SPATA16: variants seen among roughly 807,000 people sequenced by gnomAD.
SPATA16 encodes spermatogenesis associated 16.
A neutral mutation model predicts 63.3 loss-of-function variants in SPATA16; 36 were observed. The observed-to-expected ratio is 0.57, with a 90% confidence interval of 0.44 to 0.75. The LOEUF (loss-of-function observed/expected upper bound fraction) is 0.75, where lower values mean the gene tolerates loss of function less well. SPATA16 is among the 30% of genes least tolerant of loss of function. The pLI is 0.00. For missense variants in SPATA16, 646 were observed against 679.3 expected (o/e 0.95, Z 0.54); for synonymous variants, 203 against 216.7 (o/e 0.94, Z 0.56).
intron 2 of SPATA16, among the ~76,000 whole-genome samples, chr3:173,095,564 A>G (rs1028720055): frequency 2.0e-5 from 3 of 152,170 alleles, no homozygotes; most frequent in Non-Finnish European, 4.4e-5. Flanking sequence ...TGGAAGAAAT[A>G]TATCCCTTCT....
chr3:173,028,336 T>C (rs1372259193), intron 3 of SPATA16, among the ~76,000 whole-genome samples: 2 of 151,814 alleles, frequency 1.3e-5, no homozygotes, highest in Non-Finnish European at 2.9e-5. Flanking sequence ...TGCTGGATAA[T>C]AGCATCATTT....
At chr3:173,043,808 A>C (rs958812019) in intron 3 of SPATA16, among the ~76,000 whole-genome samples, 1 of 152,052 alleles carries the variant, frequency 6.6e-6, no homozygotes, top group African/African-American at 2.4e-5. Context: ...CTCAAAGTGC[A>C]GATCTGGTAA....
At chr3:172,979,287 C>A (rs369915756) in intron 4 of SPATA16, among the ~76,000 whole-genome samples, 1 of 152,038 alleles carries the variant, frequency 6.6e-6, no homozygotes, top group Non-Finnish European at 1.5e-5. Context: ...ATATTCCAGC[C>A]ACAGTGCCCC....
At chr3:173,083,942 A>G (rs936268110) in intron 2 of SPATA16, among the ~76,000 whole-genome samples, 2 of 152,110 alleles carry the variant, frequency 1.3e-5, no homozygotes, top group African/African-American at 4.8e-5. Context: ...TAGCGCTGCA[A>G]TGAAGTATTC....
intron 6 of SPATA16, among the ~76,000 whole-genome samples, chr3:172,929,279 A>G (rs981046163): frequency 6.6e-6 from 1 of 152,232 alleles, no homozygotes; most frequent in Admixed American, 6.5e-5. Flanking sequence ...AATTTTTACC[A>G]TTAGCAAAGT....
Position 173,136,257 on chromosome 3 carries a change from AG to A in SPATA16, c.-19+4845del, listed in dbSNP as rs749532943. Among the ~76,000 whole-genome samples the A allele has an allele frequency of 7.9e-5, 12 of 152,348 alleles. 1 individual carries two copies. Among genetic ancestry groups the A allele is most frequent in the Admixed American group, 2.6e-4 (4 of 15,308 alleles). On this transcript the variant is annotated intron_variant, in intron 1 of 10. Transcript: ENST00000351008. Reference sequence around the variant, plus strand: ...TACATTTCTGAGGGTTCCAAACACCAGGGCAAACAGCACTGAACATGTAGCA... The same window carrying A: ...TACATTTCTGAGGGTTCCAAACACCAGGCAAACAGCACTGAACATGTAGCA...
At chr3:172,930,775 A>T (rs929057739) in intron 6 of SPATA16, among the ~76,000 whole-genome samples, 1 of 151,652 alleles carries the variant, frequency 6.6e-6, no homozygotes, top group African/African-American at 2.4e-5. Context: ...GATGGTCTCC[A>T]TCTCCTGACC....
At chr3:173,101,253 C>A (rs1002640891) in intron 2 of SPATA16, among the ~76,000 whole-genome samples, 4 of 152,100 alleles carry the variant, frequency 2.6e-5, no homozygotes, top group Non-Finnish European at 5.9e-5. Flanking sequence ...ATGTTTCACC[C>A]CCTCTTTGAA....
chr3:173,053,488 A>G (rs942317492), intron 2 of SPATA16, among the ~76,000 whole-genome samples: 3 of 152,218 alleles, frequency 2.0e-5, no homozygotes, highest in African/African-American at 4.8e-5. Context: ...TATCTAACTT[A>G]CTTTTAGAAA....
intron 5 of SPATA16, among the ~76,000 whole-genome samples, chr3:172,961,992 C>A (rs1301304591): frequency 6.6e-6 from 1 of 152,054 alleles, no homozygotes; most frequent in African/African-American, 2.4e-5. Context: ...GATCCTCACG[C>A]CTGTAATCCC....
At chr3:173,056,796 T>C (rs1736240868) in intron 2 of SPATA16, among the ~76,000 whole-genome samples, 1 of 151,594 alleles carries the variant, frequency 6.6e-6, no homozygotes, top group Admixed American at 6.6e-5. Flanking sequence ...AGATCGCCAT[T>C]TACATTATGG....
intron 10 of SPATA16, among the ~76,000 whole-genome samples, chr3:172,894,863 C>T (rs1397385242): frequency 4.6e-5 from 7 of 152,176 alleles, no homozygotes; most frequent in African/African-American, 1.7e-4. Flanking sequence ...CTTCAGTGGA[C>T]ACTGAGTCTG....
intron 5 of SPATA16, among the ~76,000 whole-genome samples, chr3:172,959,571 T>C (rs954391273): frequency 6.6e-6 from 1 of 152,158 alleles, no homozygotes; most frequent in African/African-American, 2.4e-5. Flanking sequence ...AATTGTATTC[T>C]CCATGGAGAT....
chr3:173,039,279 A>G (rs973867382), intron 3 of SPATA16, among the ~76,000 whole-genome samples: 1 of 152,170 alleles, frequency 6.6e-6, no homozygotes, highest in African/African-American at 2.4e-5. Flanking sequence ...AAAGTAAAAA[A>G]CAAATATAAA....
intron 4 of SPATA16, among the ~76,000 whole-genome samples, chr3:172,987,698 T>G (rs1387167922): frequency 2.6e-5 from 4 of 152,188 alleles, no homozygotes; most frequent in Non-Finnish European, 5.9e-5. Context: ...TAACTTCGCT[T>G]TCAGTTCTTC....
chr3:173,080,451 T>TA (rs11401557), intron 2 of SPATA16, among the ~76,000 whole-genome samples: 30,944 of 151,976 alleles, frequency 0.2, 3,813 homozygotes, highest in African/African-American at 0.35. Flanking sequence ...GAAGACATCT[T>TA]GTGCCTTTCA....
chr3:173,122,415 T>C (rs1287136224), intron 1 of SPATA16, among the ~76,000 whole-genome samples: 5 of 152,082 alleles, frequency 3.3e-5, no homozygotes, highest in East Asian at 1.9e-4. Context: ...TTGGTTGAAA[T>C]AGGCAGCTCA....
At chr3:173,106,651 T>G (rs1030850654) in intron 2 of SPATA16, among the ~76,000 whole-genome samples, 1 of 152,152 alleles carries the variant, frequency 6.6e-6, no homozygotes, top group African/African-American at 2.4e-5. Flanking sequence ...TCCTCCAGAA[T>G]CTCACTCTAT....
At chr3:172,975,871 A>G (rs915997498) in intron 5 of SPATA16, among the ~76,000 whole-genome samples, 1 of 152,056 alleles carries the variant, frequency 6.6e-6, no homozygotes, top group African/African-American at 2.4e-5. Flanking sequence ...GATAACATAT[A>G]ATATAGAGAG....
Sources: gnomAD v4.1 joint callset for allele counts (sites outside exome capture counted in the v4.1 genomes callset) on GRCh38, gnomAD v4.1.1 for gene constraint, MANE v1.5 for transcripts, NCBI Gene and HGNC (gene_info 2026-07-23, HGNC 2026-07-21) for gene names.